Variants in MTCH1 observed in about 807,000 individuals in gnomAD.
The protein encoded by MTCH1 is mitochondrial carrier 1.
A neutral mutation model predicts 49.3 loss-of-function variants in MTCH1; 23 were observed. That is an observed-to-expected ratio of 0.47 (90% CI 0.34 to 0.66). MTCH1 has a LOEUF of 0.66. MTCH1 is among the 30% of genes least tolerant of loss of function. MTCH1 has a pLI of 0.01. For missense variants in MTCH1, 397 were observed against 532.1 expected (o/e 0.75, Z 2.50); for synonymous variants, 229 against 215.2 (o/e 1.06, Z -0.56).
In MTCH1 at chr6:36,974,056, G is replaced by T. The variant is rs541857154; in HGVS notation, c.762-1260C>A. ...AGGTCTAGGCGGTGACATACATGCT[G>T]ATAGGTATGTCACAAATGTTGGTTT... On this transcript the variant is annotated intron_variant, in intron 7 of 11. Transcript: ENST00000373627. Among the ~76,000 whole-genome samples, 593 of 152,334 alleles carry T rather than the reference G, an allele frequency of 3.9e-3. 4 individuals are homozygous for T. Among genetic ancestry groups the T allele is most frequent in the Non-Finnish European group, 4.5e-3 (306 of 68,018 alleles).
chr6:36,985,164 G>A (rs985621976), intron 1 of MTCH1, among the ~76,000 whole-genome samples: 1 of 147,530 alleles, frequency 6.8e-6, no homozygotes, highest in Non-Finnish European at 1.5e-5. Context: ...CCGGTAAACC[G>A]ATAGCATTCC....
rs2293383 is a variant in MTCH1, at chr6:36,972,567, G to C, written c.906+85C>G. On this transcript the variant is annotated intron_variant, in intron 8 of 11. Transcript: ENST00000373627. The surrounding 1 kb of genome is among the most constrained non-coding windows in gnomAD (Gnocchi z 4.1). ...TCTCTCACCCTCCCGGCCTGATGCTGAGAATCCCAGAATCCTTGAGTTTGT... is the reference window on the plus strand; with the variant it reads ...TCTCTCACCCTCCCGGCCTGATGCTCAGAATCCCAGAATCCTTGAGTTTGT... 411,412 of 1,453,128 alleles carry C rather than the reference G, an allele frequency of 0.28. 60,222 individuals are homozygous for C. The highest frequency in any genetic ancestry group is 0.35 in the South Asian group (25,955 of 73,366). The allele number at this position is 1,453,128 out of a possible 1,614,324, so 90.0% of individuals were successfully genotyped here.
intron 2 of MTCH1, among the ~76,000 whole-genome samples, chr6:36,980,458 TTC>T (rs1261284532): frequency 6.6e-6 from 1 of 152,228 alleles, no homozygotes; most frequent in Non-Finnish European, 1.5e-5. Flanking sequence ...GCCTTCCTAC[TTC>T]TGTCATTCCC....
At chr6:36,979,542 C>A (rs575725345) in intron 2 of MTCH1, among the ~76,000 whole-genome samples, 81 of 152,320 alleles carry the variant, frequency 5.3e-4, no homozygotes, top group African/African-American at 1.8e-3. Context: ...TGCTCCTCCG[C>A]AGATGTCTGC....
intron 2 of MTCH1, among the ~76,000 whole-genome samples, chr6:36,980,504 A>C (rs1455799345): frequency 6.6e-6 from 1 of 152,242 alleles, no homozygotes; most frequent in Non-Finnish European, 1.5e-5. Context: ...TAAGTAAAAA[A>C]CAACACAAAC....
chr6:36,970,383 C>T (rs1395182472), intron 10 of MTCH1, 23 bp downstream of exon 10: 1 of 1,613,614 alleles, frequency 6.2e-7, no homozygotes, highest in East Asian at 2.2e-5. Flanking sequence ...GGTAGAGTGG[C>T]AAGTAGAGGG....
Position 36,977,682 on chromosome 6 carries a change from C to T in MTCH1, c.601G>A (p.Glu201Lys), listed in dbSNP as rs1763936552. ...LKKVVKETSY[E>K]MMMQCVSRML... ...CGGGACACACACTGCATCATCATCT[C>T]GTAGGAGGTCTGGAAGAGAGCATGG... The change falls in exon 5 of 12, where the codon GAG (glutamate) becomes AAG (lysine). Residue 201 changes from glutamate to lysine, a missense_variant. Physicochemically the swap from Glu to Lys is moderately conservative, Grantham distance 56 (BLOSUM62 1). Coordinates refer to ENST00000373627, the MANE Select transcript of MTCH1 (RefSeq NM_001271641.2). The surrounding 1 kb of genome is among the most constrained non-coding windows in gnomAD (Gnocchi z 5.4). 2 of 1,609,256 alleles carry T rather than the reference C, an allele frequency of 1.2e-6. No individual in the cohort carries two copies. The highest frequency in any genetic ancestry group is 1.3e-5 in the African/African-American group (1 of 74,750).
chr6:36,983,344 T>C (rs966115637), intron 1 of MTCH1, among the ~76,000 whole-genome samples: 40 of 152,228 alleles, frequency 2.6e-4, no homozygotes, highest in African/African-American at 9.2e-4. Flanking sequence ...TGGTATTCCT[T>C]TATTCCTCCA....
Position 36,970,099 on chromosome 6 carries a change from G to A in MTCH1, c.1038C>T (p.Leu346=), listed in dbSNP as rs897327281. ...ATTTGAACACTGGGGAGTAAGGGGG[G>A]AGCCCAGCTTGCAGCCTGCCGGAGA... ...AVNNCGLQAG[L]PPYSPVFKSW... Residue 346 remains leucine (L), a synonymous_variant, in exon 11 of 12, where the codon CTC becomes CTT. Coordinates refer to ENST00000373627, the MANE Select transcript of MTCH1 (RefSeq NM_001271641.2). 4 of 1,614,028 alleles carry A rather than the reference G, an allele frequency of 2.5e-6. No homozygotes were observed. Among genetic ancestry groups the A allele is most frequent in the Non-Finnish European group, 2.5e-6 (3 of 1,179,914 alleles).
In MTCH1 at chr6:36,972,638, T is replaced by G. The variant is rs1356001950; in HGVS notation, c.906+14A>C. On this transcript the variant is annotated intron_variant, in intron 8 of 11. Coordinates refer to ENST00000373627, the MANE Select transcript of MTCH1 (RefSeq NM_001271641.2). The surrounding 1 kb of genome is among the most constrained non-coding windows in gnomAD (Gnocchi z 4.1). ...AGCACACGGAAAGAAGGACAAGTCC[T>G]TGTTCCAACCAACCTGGGAACCTGG... The G allele has an allele frequency of 1.3e-6, 2 of 1,548,616 alleles. No individual in the cohort carries two copies. The highest frequency in any genetic ancestry group is 1.7e-6 in the Non-Finnish European group (2 of 1,144,574).
At position 36,968,985 on chromosome 6, in the gene MTCH1, A is replaced by C; in HGVS notation, c.1099-11T>G. The C allele has an allele frequency of 6.2e-7, 1 of 1,613,658 alleles. No individual in the cohort carries two copies. The highest frequency in any genetic ancestry group is 8.5e-7 in the Non-Finnish European group (1 of 1,179,738). On this transcript the variant is annotated splice_polypyrimidine_tract_variant and intron_variant, in intron 11 of 11. Coordinates refer to ENST00000373627, the MANE Select transcript of MTCH1 (RefSeq NM_001271641.2). ...TCGGAAGAGCTGGCCCTGGACCAGA[A>C]GGAAAAGTAAGGTGAGTGAAAGGGA...
chr6:36,975,786 G>A lies in MTCH1; in HGVS notation c.702-69C>T, dbSNP rs945445543. On this transcript the variant is annotated intron_variant, in intron 6 of 11. Transcript: ENST00000373627. ...TACCAGAAGCCCACCCGTTGGTGTG[G>A]GGCTGAGCCCACCAGTTCTGCTCAA... 2.8e-6 allele frequency: 4 copies of A among 1,450,546 alleles called. No homozygotes were observed. In the African/African-American group the frequency reaches 4.2e-5, roughly 15 times the overall value. 89.9% of individuals were successfully genotyped at this position (1,450,546 alleles called of 1,614,324 possible). A position where few individuals can be genotyped will look rare whatever the true frequency, so the allele number is the denominator to read the frequency against.
At position 36,968,845 on chromosome 6, in the gene MTCH1, G is replaced by C; in HGVS notation, c.*58C>G. 6.2e-7 allele frequency: 1 copy of C among 1,612,026 alleles called. No homozygotes were observed. The highest frequency in any genetic ancestry group is 8.5e-7 in the Non-Finnish European group (1 of 1,178,548). ...GGAGTCGTCTTGCAGGTGTCCCAAG[G>C]TGGTCAGGCCTCACCCACGGTGGCC... On this transcript the variant is annotated 3_prime_UTR_variant, in exon 12 of 12. Transcript: ENST00000373627.
Position 36,972,528 on chromosome 6 carries a change from A to G in MTCH1, c.906+124T>C, listed in dbSNP as rs1323579200. The G allele has an allele frequency of 1.9e-5, 23 of 1,192,834 alleles. No homozygotes were observed. Among genetic ancestry groups the G allele is most frequent in the Non-Finnish European group, 2.3e-5 (20 of 870,618 alleles). 73.9% of individuals were successfully genotyped at this position (1,192,834 alleles called of 1,614,324 possible). On this transcript the variant is annotated intron_variant, in intron 8 of 11. Transcript: ENST00000373627. The surrounding 1 kb of genome is among the most constrained non-coding windows in gnomAD (Gnocchi z 4.1). ...CCCTTAGACAAAGATGACTCCAGGG[A>G]TAATGAGAGGTCCTCTCTCACCCTC...
chr6:36,986,003 C>G lies in MTCH1; in HGVS notation c.171G>C (p.Ala57=). ...HRAHPRHPRP[A]AQPSARRMDG... is the part of the protein sequence containing the mutation. ...CCATCCTGCGGGCCGAGGGCTGAGC[C>G]GCAGGCCGAGGGTGGCGAGGATGTG... Residue 57 remains alanine, a synonymous_variant, in exon 1 of 12, where the codon GCG becomes GCC. Coordinates refer to ENST00000373627, the MANE Select transcript of MTCH1 (RefSeq NM_001271641.2). 2.0e-6 allele frequency: 3 copies of G among 1,535,634 alleles called. No individual in the cohort carries two copies. The highest frequency in any genetic ancestry group is 8.8e-7 in the Non-Finnish European group (1 of 1,142,226).
chr6:36,977,553 A>G lies in MTCH1; in HGVS notation c.649+81T>C. On this transcript the variant is annotated intron_variant, in intron 5 of 11. Coordinates refer to ENST00000373627, the MANE Select transcript of MTCH1 (RefSeq NM_001271641.2). The surrounding 1 kb of genome is among the most constrained non-coding windows in gnomAD (Gnocchi z 5.4). ...CCAACAGGTCTACGGCTGTCTATGT[A>G]CAGTCCACGAGGGGGCGCCCCTCAC... The G allele has an allele frequency of 2.1e-6, 2 of 957,760 alleles. No individual in the cohort carries two copies. The highest frequency in any genetic ancestry group is 5.2e-5 in the East Asian group (2 of 38,400). 59.3% of individuals were successfully genotyped at this position (957,760 alleles called of 1,614,324 possible).
At chr6:36,970,594 C>T (rs1583248033) in intron 9 of MTCH1, 53 bp downstream of exon 9, 1 of 1,612,794 alleles carries the variant, frequency 6.2e-7, no homozygotes. Flanking sequence ...GCCTCCTAGG[C>T]CCCGCTTGGG....
intron 2 of MTCH1, 98 bp downstream of exon 2, chr6:36,981,490 T>C (rs1015432779): frequency 1.0e-5 from 11 of 1,104,944 alleles, no homozygotes; most frequent in Non-Finnish European, 1.5e-5. Context: ...CTGCGTGCCA[T>C]GCTGCGCAGT....
rs1045745313 is a variant in MTCH1 at position 36,968,418 on chromosome 6, T to C, written c.*485A>G. 1 of 277,336 alleles carries C rather than the reference T, an allele frequency of 3.6e-6. No individual in the cohort carries two copies. The highest frequency in any genetic ancestry group is 7.2e-6 in the Non-Finnish European group (1 of 139,442). 17.2% of individuals were successfully genotyped at this position (277,336 alleles called of 1,614,324 possible). On this transcript the variant is annotated 3_prime_UTR_variant, in exon 12 of 12. Coordinates refer to ENST00000373627, the MANE Select transcript of MTCH1 (RefSeq NM_001271641.2). The stretch of plus-strand genomic sequence containing the variant: ...AAAAACACAGGCAGAGCCTGGCCAT[T>C]TGCCTCCTAGCATAGGCCTAGACAT...
Sources: allele counts gnomAD v4.1 joint callset (sites outside exome capture counted in the v4.1 genomes callset), GRCh38; gene constraint gnomAD v4.1.1; non-coding constraint Gnocchi (gnomAD v3.1); transcripts MANE v1.5; gene names NCBI Gene and HGNC (gene_info 2026-07-23, HGNC 2026-07-21).